Variants in TRIO observed in about 807,000 individuals in gnomAD.
TRIO encodes trio Rho guanine nucleotide exchange factor, also known as triple functional domain protein.
TRIO carries 58 observed loss-of-function variants against 351.9 expected under a neutral mutation model. The ratio of observed to expected loss-of-function variants is 0.16; its 90% confidence interval spans 0.13 to 0.21. TRIO has a LOEUF of 0.21. Among genes scored for constraint, TRIO ranks in the 10% least tolerant of loss-of-function variants. The pLI is 1.00. For synonymous variants in TRIO, 1,758 were observed against 1,595.7 expected (o/e 1.10, Z -2.42); for missense variants, 3,201 against 4,027.8 (o/e 0.79, Z 5.56).
intron 11 of TRIO, among the ~76,000 whole-genome samples, chr5:14,355,842 C>T (rs898077919): frequency 3.9e-5 from 6 of 152,138 alleles, no homozygotes; most frequent in Non-Finnish European, 5.9e-5. Context: ...ATACTGATGC[C>T]AACTGTGGCT....
At chr5:14,256,936 G>A (rs1795053937) in intron 1 of TRIO, among the ~76,000 whole-genome samples, 1 of 152,246 alleles carries the variant, frequency 6.6e-6, no homozygotes, top group African/African-American at 2.4e-5. Flanking sequence ...AGTGGGCCAA[G>A]GGTGTGGCAC....
At chr5:14,249,955 CT>C (rs1425245746) in intron 1 of TRIO, among the ~76,000 whole-genome samples, 1 of 152,202 alleles carries the variant, frequency 6.6e-6, no homozygotes. Flanking sequence ...CCCCTTTCCA[CT>C]TTAGCAATTA....
intron 1 of TRIO, among the ~76,000 whole-genome samples, chr5:14,233,716 T>G (rs1374100583): frequency 2.0e-5 from 3 of 152,114 alleles, no homozygotes; most frequent in Non-Finnish European, 4.4e-5. Context: ...TAAAAATATT[T>G]TTTTGTAGAT....
intron 2 of TRIO, among the ~76,000 whole-genome samples, chr5:14,276,000 A>G (rs977868357): frequency 2.0e-5 from 3 of 148,506 alleles, no homozygotes; most frequent in Non-Finnish European, 4.5e-5. Context: ...ACACACACAT[A>G]TGTGTATATA....
At chr5:14,226,837 G>A (rs544155543) in intron 1 of TRIO, among the ~76,000 whole-genome samples, 2 of 152,342 alleles carry the variant, frequency 1.3e-5, no homozygotes, top group Non-Finnish European at 2.9e-5. Flanking sequence ...ACAAGTGGCC[G>A]ATGGCCGGGA....
At chr5:14,293,200 C>G (rs1012423306) in intron 6 of TRIO, 66 bp downstream of exon 6, 1 of 1,607,604 alleles carries the variant, frequency 6.2e-7, no homozygotes, top group Non-Finnish European at 8.5e-7. Context: ...AGGCATTTGG[C>G]AAATTGTATG....
At chr5:14,225,800 C>CT (rs959298428) in intron 1 of TRIO, among the ~76,000 whole-genome samples, 5 of 136,718 alleles carry the variant, frequency 3.7e-5, no homozygotes, top group Admixed American at 1.4e-4. Flanking sequence ...CCACCCCCCC[C>CT]CCCACCTCCA....
At chr5:14,442,403 AG>A (rs1028299862) in intron 34 of TRIO, among the ~76,000 whole-genome samples, 1 of 152,128 alleles carries the variant, frequency 6.6e-6, no homozygotes, top group African/African-American at 2.4e-5. Flanking sequence ...TCGGATCAAA[AG>A]GGGGGCACAG....
rs889791553 is a variant in TRIO, at chr5:14,286,521, G to T, written c.348-350G>T. ...CGATGCTCCCTGGAGACCTTTGCTC[G>T]CAGGAGTGACTGGAGGAGTTCATGT... On this transcript the variant is annotated intron_variant, in intron 3 of 56. Coordinates refer to ENST00000344204, the MANE Select transcript of TRIO (RefSeq NM_007118.4). The surrounding 1 kb of genome is among the most constrained non-coding windows in gnomAD (Gnocchi z 4.4). Among the ~76,000 whole-genome samples, 1 of 152,066 alleles carries T rather than the reference G, an allele frequency of 6.6e-6. No homozygotes were observed. The highest frequency in any genetic ancestry group is 2.4e-5 in the African/African-American group (1 of 41,368).
At chr5:14,466,452 A>G (rs1754270057) in intron 37 of TRIO, 1 of 152,232 alleles carries the variant, frequency 6.6e-6, no homozygotes, top group Admixed American at 6.5e-5. Flanking sequence ...TCATTTGATA[A>G]AAGCCCCAAA....
chr5:14,209,573 A>T lies in TRIO; in HGVS notation c.158-61252A>T, dbSNP rs1035241580. Among the ~76,000 whole-genome samples, 26 of 152,320 alleles carry T rather than the reference A, an allele frequency of 1.7e-4. No individual in the cohort carries two copies. In the East Asian group the frequency reaches 3.5e-3, roughly 20 times the overall value. The stretch of plus-strand genomic sequence containing the variant: ...TCGTACTGGGTTAAACCAGTGGTTG[A>T]TAGTGGGTCACTTGAGTTGACTCTT... On this transcript the variant is annotated intron_variant, in intron 1 of 56. Coordinates refer to ENST00000344204, the MANE Select transcript of TRIO (RefSeq NM_007118.4).
At chr5:14,168,918 A>T (rs4418097) in intron 1 of TRIO, among the ~76,000 whole-genome samples, 1,592 of 152,352 alleles carry the variant, frequency 0.01, 24 homozygotes, top group African/African-American at 0.036. Context: ...GGCAGACCGT[A>T]GTCTTTGTCC....
At chr5:14,378,628 C>A (rs762013266) in intron 20 of TRIO, among the ~76,000 whole-genome samples, 1 of 151,680 alleles carries the variant, frequency 6.6e-6, no homozygotes, top group African/African-American at 2.4e-5. Flanking sequence ...GGCACGGTCT[C>A]AGCTTACTGC....
At chr5:14,246,422 C>T (rs749124179) in intron 1 of TRIO, among the ~76,000 whole-genome samples, 20 of 152,202 alleles carry the variant, frequency 1.3e-4, no homozygotes, top group Admixed American at 3.9e-4. Flanking sequence ...ACTTGGAAAG[C>T]GCAGCCAGGA....
At chr5:14,325,236 G>C (rs1376770195) in intron 9 of TRIO, among the ~76,000 whole-genome samples, 2 of 152,336 alleles carry the variant, frequency 1.3e-5, no homozygotes, top group East Asian at 3.9e-4. Context: ...GGTTTAGTAT[G>C]TGTTTCTTAG....
chr5:14,483,422 C>A, intron 46 of TRIO, among the ~76,000 whole-genome samples: 1 of 152,220 alleles, frequency 6.6e-6, no homozygotes, highest in African/African-American at 2.4e-5. Context: ...GCTGTGCAGA[C>A]CCTGAGGTCA....
intron 1 of TRIO, among the ~76,000 whole-genome samples, chr5:14,244,755 C>A (rs1030967855): frequency 2.6e-5 from 4 of 152,294 alleles, no homozygotes. Flanking sequence ...CACTCCTTGC[C>A]GTCAGCCTGG....
At chr5:14,312,510 A>T (rs1353970775) in intron 8 of TRIO, among the ~76,000 whole-genome samples, 1 of 152,250 alleles carries the variant, frequency 6.6e-6, no homozygotes, top group Non-Finnish European at 1.5e-5. Flanking sequence ...GTATTCCAAG[A>T]AAAACAAAGA....
Position 14,318,279 on chromosome 5 carries a change from C to CAAAAAA in TRIO, c.1731+1557_1731+1562dup, listed in dbSNP as rs759632595. Among the ~76,000 whole-genome samples the CAAAAAA allele has an allele frequency of 3.9e-4, 18 of 46,510 alleles. 1 individual carries two copies. Among genetic ancestry groups the CAAAAAA allele is most frequent in the African/African-American group, 1.4e-3 (18 of 12,526 alleles). The allele number at this position is 46,510 out of a possible 152,430, so 30.5% of individuals were successfully genotyped here. Reference sequence around the variant, plus strand: ...ATTGCACTCCAGCAAGACTCTATCTCAAAAAAAAAAAAAAAAAAAAAAAAA... The same window carrying CAAAAAA: ...ATTGCACTCCAGCAAGACTCTATCTCAAAAAAAAAAAAAAAAAAAAAAAAAAAAAAA... On this transcript the variant is annotated intron_variant, in intron 9 of 56. Coordinates refer to ENST00000344204, the MANE Select transcript of TRIO (RefSeq NM_007118.4).
Sources: allele counts gnomAD v4.1 joint callset (sites outside exome capture counted in the v4.1 genomes callset), GRCh38; gene constraint gnomAD v4.1.1; non-coding constraint Gnocchi (gnomAD v3.1); transcripts MANE v1.5; gene names NCBI Gene and HGNC (gene_info 2026-07-23, HGNC 2026-07-21).